PRKCA: variants seen among roughly 807,000 people sequenced by gnomAD.
PRKCA encodes protein kinase C alpha type.
A neutral mutation model predicts 87.0 loss-of-function variants in PRKCA; 27 were observed. The observed-to-expected ratio is 0.31, with a 90% CI of 0.23 to 0.43. The LOEUF (loss-of-function observed/expected upper bound fraction) is 0.43, where lower values mean the gene tolerates loss of function less well. PRKCA is among the 20% of genes least tolerant of loss of function. The pLI is 1.00. For missense variants in PRKCA, 518 were observed against 852.3 expected (o/e 0.61, Z 4.88); for synonymous variants, 329 against 311.1 (o/e 1.06, Z -0.61).
At chr17:66,589,040 C>T (rs1006775785) in intron 3 of PRKCA, among the ~76,000 whole-genome samples, 2 of 152,052 alleles carry the variant, frequency 1.3e-5, no homozygotes, top group Non-Finnish European at 1.5e-5. Context: ...GTTGCTGATA[C>T]CTTAGGTAAT....
At chr17:66,481,359 T>A (rs957545872) in intron 2 of PRKCA, among the ~76,000 whole-genome samples, 2 of 152,164 alleles carry the variant, frequency 1.3e-5, no homozygotes, top group Non-Finnish European at 2.9e-5. Context: ...GTACTCCCTA[T>A]CCACTGTGTG....
chr17:66,443,762 G>T (rs1484450966), intron 2 of PRKCA, among the ~76,000 whole-genome samples: 1 of 151,846 alleles, frequency 6.6e-6, no homozygotes, highest in Non-Finnish European at 1.5e-5. Flanking sequence ...AGGGGGAGAA[G>T]TTAGCTAATA....
intron 2 of PRKCA, among the ~76,000 whole-genome samples, chr17:66,466,785 TA>T (rs1915104767): frequency 6.6e-6 from 1 of 152,034 alleles, no homozygotes. Context: ...AGATTAGCAG[TA>T]AAAGCCTTTA....
intron 3 of PRKCA, among the ~76,000 whole-genome samples, chr17:66,520,942 A>G (rs1373065392): frequency 6.6e-6 from 1 of 152,164 alleles, no homozygotes; most frequent in East Asian, 1.9e-4. Context: ...AATGTTTTTT[A>G]AAAATACAAT....
intron 2 of PRKCA, among the ~76,000 whole-genome samples, chr17:66,461,466 AAC>A (rs1257230147): frequency 1.3e-5 from 2 of 152,130 alleles, no homozygotes; most frequent in Non-Finnish European, 2.9e-5. Context: ...AGTTGTGGTG[AAC>A]AGTTTCAAAT....
intron 5 of PRKCA, among the ~76,000 whole-genome samples, chr17:66,671,282 G>A (rs1314828099): frequency 6.8e-6 from 1 of 147,496 alleles, no homozygotes; most frequent in Non-Finnish European, 1.5e-5. Context: ...AACAACAAGT[G>A]AAGCTCCACA....
At chr17:66,626,384 C>T (rs1217666487) in intron 3 of PRKCA, among the ~76,000 whole-genome samples, 1 of 142,174 alleles carries the variant, frequency 7.0e-6, no homozygotes, top group African/African-American at 2.6e-5. Context: ...TTTTTTGAGA[C>T]AGAGTCTCAC....
At chr17:66,341,338 T>C (rs1907033581) in intron 2 of PRKCA, among the ~76,000 whole-genome samples, 1 of 152,208 alleles carries the variant, frequency 6.6e-6, no homozygotes, top group Non-Finnish European at 1.5e-5. Context: ...TTTTTTCCCC[T>C]GCTTTTAATC....
At chr17:66,379,771 C>T (rs1021893178) in intron 2 of PRKCA, among the ~76,000 whole-genome samples, 3 of 152,134 alleles carry the variant, frequency 2.0e-5, no homozygotes, top group East Asian at 1.9e-4. Flanking sequence ...ATGCTTTTGG[C>T]GTCATAGCCA....
chr17:66,798,429 T>TGGTGGTGGTGAC (rs1975733912), intron 16 of PRKCA, among the ~76,000 whole-genome samples: 1 of 134,110 alleles, frequency 7.5e-6, no homozygotes. Flanking sequence ...GTGGTGGTGG[T>TGGTGGTGGTGAC]GGTGACGGTG....
At chr17:66,386,857 A>G (rs762119489) in intron 2 of PRKCA, among the ~76,000 whole-genome samples, 3 of 151,576 alleles carry the variant, frequency 2.0e-5, no homozygotes, top group African/African-American at 4.9e-5. Context: ...ACTTCCTCCT[A>G]CTTATCTTTA....
rs994408673 is a variant in PRKCA, at chr17:66,318,892, A to G, written c.205+12765A>G. On this transcript the variant is annotated intron_variant, in intron 2 of 16. Transcript: ENST00000413366. ...ACTTGCCGTGGTGGCTGGCCTAAGT[A>G]GGCAGATTGCTTGAATTCATGAATT... Among the ~76,000 whole-genome samples, 8 of 151,898 alleles carry G rather than the reference A, an allele frequency of 5.3e-5. No homozygotes were observed. The East Asian group carries it at 1.4e-3, about 26-fold the overall frequency.
intron 2 of PRKCA, among the ~76,000 whole-genome samples, chr17:66,461,198 C>T (rs1257345204): frequency 7.0e-6 from 1 of 143,118 alleles, no homozygotes; most frequent in African/African-American, 2.6e-5. Context: ...AAAATGAGAC[C>T]CCATCTCAAA....
chr17:66,375,581 G>A (rs1468493664), intron 2 of PRKCA, among the ~76,000 whole-genome samples: 1 of 152,170 alleles, frequency 6.6e-6, no homozygotes, highest in Non-Finnish European at 1.5e-5. Flanking sequence ...CAAATGTTCT[G>A]TGTAAGCCCC....
chr17:66,660,958 A>G (rs1009594436), intron 5 of PRKCA, among the ~76,000 whole-genome samples: 5 of 152,264 alleles, frequency 3.3e-5, no homozygotes, highest in Admixed American at 3.3e-4. Flanking sequence ...CAACCCACTC[A>G]GGTAGAAGGG....
intron 2 of PRKCA, among the ~76,000 whole-genome samples, chr17:66,482,056 G>A (rs976235130): frequency 1.3e-4 from 18 of 139,730 alleles, no homozygotes; most frequent in Admixed American, 9.3e-4. Context: ...AGCCAAAATC[G>A]CGCCATTGTA....
intron 2 of PRKCA, among the ~76,000 whole-genome samples, chr17:66,458,980 G>A (rs1170496435): frequency 6.6e-6 from 1 of 152,122 alleles, no homozygotes; most frequent in Non-Finnish European, 1.5e-5. Flanking sequence ...TAGAGGCTGA[G>A]GGAGGTAAAG....
At chr17:66,755,009 C>T (rs1441083325) in intron 13 of PRKCA, among the ~76,000 whole-genome samples, 6 of 151,762 alleles carry the variant, frequency 4.0e-5, no homozygotes, top group African/African-American at 1.2e-4. Flanking sequence ...ATTCCAAGGT[C>T]GGGTGACCCA....
At chr17:66,436,403 G>A (rs1913397230) in intron 2 of PRKCA, among the ~76,000 whole-genome samples, 1 of 152,118 alleles carries the variant, frequency 6.6e-6, no homozygotes, top group Non-Finnish European at 1.5e-5. Context: ...CATTTATGAG[G>A]GTGAAAATAG....
Sources: allele counts gnomAD v4.1 joint callset (sites outside exome capture counted in the v4.1 genomes callset), GRCh38; gene constraint gnomAD v4.1.1; transcripts MANE v1.5; gene names NCBI Gene and HGNC (gene_info 2026-07-23, HGNC 2026-07-21).